Variants in GON4L observed in about 807,000 individuals in gnomAD.
The protein encoded by GON4L is gon-4 like.
A neutral mutation model predicts 211.8 loss-of-function variants in GON4L; 87 were observed. The observed-to-expected ratio is 0.41, with a 90% CI of 0.35 to 0.49. GON4L has a LOEUF of 0.49. Among genes scored for constraint, GON4L ranks in the 20% least tolerant of loss-of-function variants. The pLI is 0.15. For missense variants in GON4L, 2,155 were observed against 2,659.5 expected, an observed-to-expected ratio of 0.81 and a Z score of 4.17; for synonymous variants, 875 against 962.6, an observed-to-expected ratio of 0.91 and a Z score of 1.68.
Position 155,853,406 on chromosome 1 carries a change from A to G in GON4L, c.375T>C (p.Ala125=). The change falls in exon 2 of 32, where the codon GCT becomes GCC. Residue 125 remains alanine, a synonymous_variant. Coordinates refer to ENST00000368331, the MANE Select transcript of GON4L (RefSeq NM_001282860.2). The part of the protein sequence containing the change: ...NIHIGKGKLH[A]TGSKRGKKMT... ...TTTTTTTCCCTCTCTTTGAGCCAGT[A>G]GCGTGGAGTTTTCCTTTACCAATGT... is the stretch of plus-strand genomic sequence containing the variant. 1 of 1,614,160 alleles carries G rather than the reference A, an allele frequency of 6.2e-7. No homozygotes were observed.
At chr1:155,769,979 A>G (rs1663007084) in intron 19 of GON4L, among the ~76,000 whole-genome samples, 1 of 145,588 alleles carries the variant, frequency 6.9e-6, no homozygotes, top group African/African-American at 2.5e-5. Flanking sequence ...CCTAAGGCCA[A>G]AAATTCGAGA....
intron 3 of GON4L, among the ~76,000 whole-genome samples, chr1:155,826,452 G>C (rs947816159): frequency 2.6e-5 from 4 of 151,764 alleles, no homozygotes; most frequent in African/African-American, 9.7e-5. Flanking sequence ...TGTAATCCCA[G>C]CTACTCCGGA....
chr1:155,823,964 T>C (rs1441029158), intron 3 of GON4L, among the ~76,000 whole-genome samples: 1 of 152,086 alleles, frequency 6.6e-6, no homozygotes, highest in Non-Finnish European at 1.5e-5. Context: ...TGTTTCACAA[T>C]AAAAAATTTA....
At chr1:155,807,730 A>AAAAAAC (rs1395575383) in intron 10 of GON4L, among the ~76,000 whole-genome samples, 2,402 of 143,682 alleles carry the variant, frequency 0.017, 72 homozygotes, top group Non-Finnish European at 0.025. Context: ...AAAAAAGAAA[A>AAAAAAC]TCAGAAAGTG....
chr1:155,801,193 G>A (rs572635986), intron 11 of GON4L, among the ~76,000 whole-genome samples: 1 of 150,846 alleles, frequency 6.6e-6, no homozygotes, highest in East Asian at 1.9e-4. Flanking sequence ...GTAGAAACAG[G>A]AAGTGTCAAT....
intron 3 of GON4L, among the ~76,000 whole-genome samples, chr1:155,824,478 C>T (rs1326684091): frequency 7.3e-6 from 1 of 136,542 alleles, no homozygotes; most frequent in South Asian, 2.3e-4. Context: ...GGCACGGTGG[C>T]TCATGCCTGT....
rs148074888 is a variant in GON4L, at chr1:155,838,192, G to A, written c.506-11164C>T. Among the ~76,000 whole-genome samples, 49 of 152,076 alleles carry A rather than the reference G, an allele frequency of 3.2e-4. No individual in the cohort carries two copies. In the East Asian group the frequency reaches 8.5e-3, roughly 26 times the overall value. On this transcript the variant is annotated intron_variant, in intron 2 of 31. Coordinates refer to ENST00000368331, the MANE Select transcript of GON4L (RefSeq NM_001282860.2). Reference sequence around the variant, plus strand: ...GGAAGATCACTTGACCCCAAGAGGCGGAAGCTGCAGTGAGCTGTGATCATG... The same window carrying A: ...GGAAGATCACTTGACCCCAAGAGGCAGAAGCTGCAGTGAGCTGTGATCATG...
At chr1:155,760,968 T>G (rs1661722685) in intron 23 of GON4L, among the ~76,000 whole-genome samples, 1 of 152,204 alleles carries the variant, frequency 6.6e-6, no homozygotes, top group East Asian at 1.9e-4. Context: ...AGGTAACATG[T>G]GTTTGTACAT....
At chr1:155,857,621 C>G (rs1457428874), upstream of GON4L, among the ~76,000 whole-genome samples, 1 of 152,130 alleles carries the variant, frequency 6.6e-6, no homozygotes, top group African/African-American at 2.4e-5. Context: ...CCCAGCTACT[C>G]CGGAGGCTGA....
intron 12 of GON4L, among the ~76,000 whole-genome samples, chr1:155,788,327 A>T (rs544059930): frequency 7.2e-5 from 11 of 152,314 alleles, no homozygotes; most frequent in African/African-American, 2.2e-4. Flanking sequence ...GTTACTGAGG[A>T]TGTAGAGCAA....
chr1:155,767,223 A>T, intron 20 of GON4L: 2 of 1,261,342 alleles, frequency 1.6e-6, no homozygotes, highest in Non-Finnish European at 2.2e-6. Context: ...TTAGCAAATT[A>T]TTATTTTACC....
intron 12 of GON4L, among the ~76,000 whole-genome samples, chr1:155,792,290 A>G (rs1665674421): frequency 6.6e-6 from 1 of 152,170 alleles, no homozygotes; most frequent in African/African-American, 2.4e-5. Context: ...TTTTAAAGAG[A>G]TTATAATCAA....
intron 2 of GON4L, among the ~76,000 whole-genome samples, chr1:155,836,253 T>G (rs1173541609): frequency 2.0e-5 from 3 of 147,442 alleles, no homozygotes; most frequent in Non-Finnish European, 3.0e-5. Context: ...GTTTTCGTTT[T>G]TTTTTTTTTT....
rs763988210 is a variant in GON4L at position 155,785,242 on chromosome 1, C to T, written c.1788+92G>A. On this transcript the variant is annotated intron_variant, in intron 13 of 31. Coordinates refer to ENST00000368331, the MANE Select transcript of GON4L (RefSeq NM_001282860.2). ...GAGAATTGGTTCAGTCAGACCCCCT[C>T]TCCTAGAGGGAGCATCACAGAGACC... The T allele has an allele frequency of 1.9e-5, 16 of 850,158 alleles. No homozygotes were observed. The East Asian group carries it at 3.4e-4, about 18-fold the overall frequency. The allele number at this position is 850,158 out of a possible 1,614,324, so 52.7% of individuals were successfully genotyped here.
intron 12 of GON4L, among the ~76,000 whole-genome samples, chr1:155,792,791 C>T (rs1217122230): frequency 6.6e-6 from 1 of 152,146 alleles, no homozygotes; most frequent in Non-Finnish European, 1.5e-5. Context: ...CAGGGTCTTG[C>T]TCTGACCCAG....
At chr1:155,790,347 C>G (rs1346104797) in intron 12 of GON4L, among the ~76,000 whole-genome samples, 1 of 151,924 alleles carries the variant, frequency 6.6e-6, no homozygotes, top group African/African-American at 2.4e-5. Context: ...ATCTGCCCAC[C>G]CTGGCCTCCC....
At chr1:155,842,387 G>A (rs1444682350) in intron 2 of GON4L, among the ~76,000 whole-genome samples, 1 of 151,846 alleles carries the variant, frequency 6.6e-6, no homozygotes, top group African/African-American at 2.4e-5. Context: ...AGCCGGGCAT[G>A]GTGGCAGGCA....
rs927121709 is a variant in GON4L, at chr1:155,821,479, T to C, written c.958A>G (p.Met320Val). 1.6e-5 allele frequency: 25 copies of C among 1,572,636 alleles called. No individual in the cohort carries two copies. The highest frequency in any genetic ancestry group is 2.2e-5 in the East Asian group (1 of 44,652). The change falls in exon 5 of 32, where the codon ATG becomes GTG. Residue 320 changes from methionine to valine, a missense_variant. Around this residue, in one of 6 missense-constraint regions of GON4L, gnomAD observed 551 missense variants for 854.0 expected, o/e 0.65. Transcript: ENST00000368331. ...AAISETEDMP[M>V]FEPKMTRSKL... Reference sequence around the variant, plus strand: ...AGTGATAATCAACTACTCACAAACATTGGCATATCTTCCGTCTCACTGATG... The same window carrying C: ...AGTGATAATCAACTACTCACAAACACTGGCATATCTTCCGTCTCACTGATG...
chr1:155,790,116 T>C (rs1372188375), intron 12 of GON4L, among the ~76,000 whole-genome samples: 2 of 151,972 alleles, frequency 1.3e-5, no homozygotes, highest in Non-Finnish European at 2.9e-5. Context: ...TTTTTTTTTT[T>C]TGAGACAGCG....
Sources: allele counts gnomAD v4.1 joint callset (sites outside exome capture counted in the v4.1 genomes callset), GRCh38; gene constraint gnomAD v4.1.1; regional missense constraint gnomAD v4.1.1; transcripts MANE v1.5; gene names NCBI Gene and HGNC (gene_info 2026-07-23, HGNC 2026-07-21).